PRKCA: variants seen among roughly 807,000 people sequenced by gnomAD.
PRKCA encodes protein kinase C alpha type.
PRKCA carries 27 observed loss-of-function variants against 87.0 expected under a neutral mutation model. The observed-to-expected ratio is 0.31, with a 90% CI of 0.23 to 0.43. The LOEUF is 0.43. Ranked by LOEUF, PRKCA falls within the 20% of genes least tolerant of loss-of-function variation. PRKCA has a pLI of 1.00. For synonymous variants in PRKCA, 329 were observed against 311.1 expected (o/e 1.06, Z -0.61); for missense variants, 518 against 852.3 (o/e 0.61, Z 4.88).
chr17:66,450,193 C>T (rs906042601), intron 2 of PRKCA, among the ~76,000 whole-genome samples: 1 of 152,048 alleles, frequency 6.6e-6, no homozygotes, highest in Admixed American at 6.6e-5. Context: ...CCTCAAAGAC[C>T]TCCTGTTCTG....
chr17:66,652,573 G>C (rs201635663), intron 5 of PRKCA, among the ~76,000 whole-genome samples: 1 of 152,100 alleles, frequency 6.6e-6, no homozygotes, highest in Non-Finnish European at 1.5e-5. Flanking sequence ...AGGACCAGGC[G>C]GGGGTTGGGG....
chr17:66,394,124 A>G (rs1910527158), intron 2 of PRKCA, among the ~76,000 whole-genome samples: 2 of 152,182 alleles, frequency 1.3e-5, no homozygotes, highest in Non-Finnish European at 2.9e-5. Flanking sequence ...GTTCTGAGGG[A>G]GAAGCCTTAG....
intron 2 of PRKCA, among the ~76,000 whole-genome samples, chr17:66,400,264 G>A (rs1910943124): frequency 6.6e-6 from 1 of 152,174 alleles, no homozygotes. Context: ...CAATTCTCGT[G>A]CCTTAGCCAC....
chr17:66,332,423 T>TC (rs550035459), intron 2 of PRKCA, among the ~76,000 whole-genome samples: 119 of 152,122 alleles, frequency 7.8e-4, no homozygotes, highest in African/African-American at 2.7e-3. Flanking sequence ...AGACAGGGTT[T>TC]CCCCATGTTG....
In PRKCA at chr17:66,792,274, A is replaced by G. The variant is rs1370442138; in HGVS notation, c.1854+3295A>G. ...AAACCTTTGCTTACTACCAAATACC[A>G]GTAGCGGGACTTCAGGTTCTCACAG... On this transcript the variant is annotated intron_variant, in intron 16 of 16. Transcript: ENST00000413366. The surrounding 1 kb of genome is among the most constrained non-coding windows in gnomAD (Gnocchi z 4.5). Among the ~76,000 whole-genome samples, 2 of 152,250 alleles carry G rather than the reference A, an allele frequency of 1.3e-5. No individual in the cohort carries two copies. The highest frequency in any genetic ancestry group is 2.4e-5 in the African/African-American group (1 of 41,466).
At chr17:66,388,814 T>A (rs958641806) in intron 2 of PRKCA, among the ~76,000 whole-genome samples, 2 of 152,102 alleles carry the variant, frequency 1.3e-5, no homozygotes, top group Admixed American at 1.3e-4. Context: ...CTTGTGTGGG[T>A]CACAGAGTTG....
rs1449527261 is a variant in PRKCA, at chr17:66,792,606, C to T, written c.1854+3627C>T. ...CCAGCGCAAAAAGCATCTCACAATG[C>T]CGTGATCCATCAGGAGGTTAGCACG... On this transcript the variant is annotated intron_variant, in intron 16 of 16. Coordinates refer to ENST00000413366, the MANE Select transcript of PRKCA (RefSeq NM_002737.3). The surrounding 1 kb of genome is among the most constrained non-coding windows in gnomAD (Gnocchi z 4.5). 1.3e-5 allele frequency among the ~76,000 whole-genome samples: 2 copies of T among 152,254 alleles called. No homozygotes were observed. The highest frequency in any genetic ancestry group is 2.9e-5 in the Non-Finnish European group (2 of 68,048).
Position 66,792,897 on chromosome 17 carries a change from TGTGGCAGTCAACA to T in PRKCA, c.1854+3923_1854+3935del. Reference sequence around the variant, plus strand: ...GAGATGTGAGGGAAGAACCTGCCCCTGTGGCAGTCAACAGTGGGAGAGTCCTGTCCTGGACAGA... The same window carrying T: ...GAGATGTGAGGGAAGAACCTGCCCCTGTGGGAGAGTCCTGTCCTGGACAGA... On this transcript the variant is annotated intron_variant, in intron 16 of 16. Transcript: ENST00000413366. The surrounding 1 kb of genome is among the most constrained non-coding windows in gnomAD (Gnocchi z 4.5). 6.6e-6 allele frequency among the ~76,000 whole-genome samples: 1 copy of T among 152,300 alleles called. No homozygotes were observed. The highest frequency in any genetic ancestry group is 1.9e-4 in the East Asian group (1 of 5,174).
intron 3 of PRKCA, among the ~76,000 whole-genome samples, chr17:66,546,797 C>G (rs551847735): frequency 6.6e-6 from 1 of 152,240 alleles, no homozygotes; most frequent in Non-Finnish European, 1.5e-5. Flanking sequence ...AGTTTTACCT[C>G]TTCGTGTTTT....
At chr17:66,552,676 A>C (rs1283092713) in intron 3 of PRKCA, among the ~76,000 whole-genome samples, 3 of 152,222 alleles carry the variant, frequency 2.0e-5, no homozygotes, top group Non-Finnish European at 4.4e-5. Context: ...GCAAGATCGC[A>C]GTCATGGTCT....
chr17:66,414,059 AATAG>A (rs1911978677), intron 2 of PRKCA, among the ~76,000 whole-genome samples: 3 of 152,074 alleles, frequency 2.0e-5, no homozygotes, highest in African/African-American at 7.2e-5. Context: ...GATGCATATA[AATAG>A]ATAGGGACGT....
chr17:66,556,330 T>C (rs554033421), intron 3 of PRKCA, among the ~76,000 whole-genome samples: 1 of 149,608 alleles, frequency 6.7e-6, no homozygotes, highest in African/African-American at 2.5e-5. Flanking sequence ...CTTCTTTTTT[T>C]TTTTTTTTTT....
intron 2 of PRKCA, among the ~76,000 whole-genome samples, chr17:66,445,637 C>T (rs1913994422): frequency 6.6e-6 from 1 of 152,136 alleles, no homozygotes; most frequent in Non-Finnish European, 1.5e-5. Flanking sequence ...ACAGCAATAC[C>T]AGCCCTTACG....
At chr17:66,717,170 G>A (rs915715777) in intron 8 of PRKCA, among the ~76,000 whole-genome samples, 6 of 152,172 alleles carry the variant, frequency 3.9e-5, no homozygotes, top group African/African-American at 1.4e-4. Context: ...GAGAACCTGC[G>A]TGATACAGGG....
At chr17:66,741,812 C>A in intron 12 of PRKCA, 91 bp downstream of exon 12, 1 of 1,357,990 alleles carries the variant, frequency 7.4e-7, no homozygotes, top group Non-Finnish European at 1.0e-6. Flanking sequence ...ACTTAAGACA[C>A]AGAGTTGATA....
intron 2 of PRKCA, among the ~76,000 whole-genome samples, chr17:66,460,359 A>G (rs1447041547): frequency 6.6e-6 from 1 of 151,498 alleles, no homozygotes; most frequent in Non-Finnish European, 1.5e-5. Context: ...TTAAAACTCA[A>G]AGTATGTGAA....
chr17:66,562,898 C>T (rs1447731253), intron 3 of PRKCA, among the ~76,000 whole-genome samples: 2 of 152,096 alleles, frequency 1.3e-5, no homozygotes, highest in East Asian at 3.9e-4. Context: ...GCCTGGCCAG[C>T]TTGATAAATT....
Position 66,582,602 on chromosome 17 carries a change from T to C in PRKCA, c.289-58753T>C, listed in dbSNP as rs193267423. 2.7e-3 allele frequency among the ~76,000 whole-genome samples: 394 copies of C among 147,542 alleles called. 1 individual carries two copies. The highest frequency in any genetic ancestry group is 9.5e-3 in the African/African-American group (372 of 39,068). On this transcript the variant is annotated intron_variant, in intron 3 of 16. Transcript: ENST00000413366. ...TGATTGTGAGGCCTCCCCAGCCTTG[T>C]GGAACTGTGAGTCCATTAAACCTCT...
intron 3 of PRKCA, among the ~76,000 whole-genome samples, chr17:66,530,174 T>A (rs993459206): frequency 6.6e-6 from 1 of 152,240 alleles, no homozygotes; most frequent in African/African-American, 2.4e-5. Flanking sequence ...ATCAAAGATT[T>A]TGAACAGTCA....
Sources: gnomAD v4.1 joint callset for allele counts (sites outside exome capture counted in the v4.1 genomes callset) on GRCh38, gnomAD v4.1.1 for gene constraint, Gnocchi (gnomAD v3.1) non-coding constraint, MANE v1.5 for transcripts, NCBI Gene and HGNC (gene_info 2026-07-23, HGNC 2026-07-21) for gene names.